The following PUM1 variants were observed in gnomAD, a reference collection of about 807,000 sequenced individuals.
PUM1 encodes the protein pumilio RNA binding family member 1.
A neutral mutation model predicts 131.8 loss-of-function variants in PUM1; 13 were observed. The observed-to-expected ratio is 0.10, with a 90% CI of 0.06 to 0.16. The LOEUF is 0.16. PUM1 is among the 10% of genes least tolerant of loss of function. The pLI is 1.00. For synonymous variants in PUM1, 509 were observed against 556.5 expected, an observed-to-expected ratio of 0.91 and a Z score of 1.20; for missense variants, 961 against 1,512.4, an observed-to-expected ratio of 0.64 and a Z score of 6.05.
intron 6 of PUM1, among the ~76,000 whole-genome samples, chr1:30,993,911 G>T (rs1012915399): frequency 6.6e-6 from 1 of 151,846 alleles, no homozygotes; most frequent in Non-Finnish European, 1.5e-5. Context: ...CTCTACAAAA[G>T]ATATAAAAAT....
At chr1:31,055,498 G>A (rs1644216374) in intron 2 of PUM1, 1 of 420,868 alleles carries the variant, frequency 2.4e-6, no homozygotes, top group Non-Finnish European at 4.8e-6. Context: ...GTAACCTGTG[G>A]GTGGTCCACA....
intron 19 of PUM1, among the ~76,000 whole-genome samples, chr1:30,941,549 T>C (rs1187162397): frequency 6.6e-6 from 1 of 152,136 alleles, no homozygotes; most frequent in Non-Finnish European, 1.5e-5. Context: ...CAAACACATA[T>C]ACAAATGGTT....
intron 10 of PUM1, among the ~76,000 whole-genome samples, chr1:30,974,035 C>T (rs1641037333): frequency 6.6e-6 from 1 of 150,862 alleles, no homozygotes; most frequent in Admixed American, 6.6e-5. Context: ...TTGCAGTGAG[C>T]TGAGATTGCA....
At chr1:31,060,247 C>G (rs926289964) in intron 1 of PUM1, among the ~76,000 whole-genome samples, 3 of 150,734 alleles carry the variant, frequency 2.0e-5, no homozygotes, top group African/African-American at 7.3e-5. Context: ...GATCACCTGA[C>G]GTCAGGAGTT....
intron 2 of PUM1, among the ~76,000 whole-genome samples, chr1:31,040,111 G>A (rs962994916): frequency 2.0e-5 from 3 of 152,018 alleles, no homozygotes; most frequent in African/African-American, 7.3e-5. Flanking sequence ...TAGAGACAAG[G>A]GTCTCACTAT....
At chr1:30,936,346 G>A (rs1205543116) in intron 21 of PUM1, among the ~76,000 whole-genome samples, 3 of 152,188 alleles carry the variant, frequency 2.0e-5, no homozygotes, top group Non-Finnish European at 4.4e-5. Context: ...GTGAGAAAAG[G>A]AAATGAGGCA....
rs57530886 is a variant in PUM1 at position 31,005,791 on chromosome 1, A to AAGAG, written c.720+58_720+61dup. 1,644 of 1,313,588 alleles carry AAGAG rather than the reference A, an allele frequency of 1.3e-3. 1 individual carries two copies. Among genetic ancestry groups the AAGAG allele is most frequent in the Admixed American group, 7.0e-3 (264 of 37,528 alleles). 81.4% of individuals were successfully genotyped at this position (1,313,588 alleles called of 1,614,324 possible). Reference sequence around the variant, plus strand: ...GGCATGTTTTGCTTTAGGGGAAAAAAAGAGAGAGAGAGAGAGAGAGAGAGA... The same window carrying AAGAG: ...GGCATGTTTTGCTTTAGGGGAAAAAAAGAGAGAGAGAGAGAGAGAGAGAGAGAGA... On this transcript the variant is annotated intron_variant, in intron 5 of 21. Transcript: ENST00000426105.
At position 30,932,402 on chromosome 1, in the gene PUM1, G is replaced by A. The variant is rs934748272; in HGVS notation, c.*809C>T. ...AGAAGCAAGACCAAAAGCAGAGTTG[G>A]ATTTTTTTTTCTCATGCTAAATAAT... On this transcript the variant is annotated 3_prime_UTR_variant, in exon 22 of 22. Transcript: ENST00000426105. 4 of 151,688 alleles carry A rather than the reference G, an allele frequency of 2.6e-5. No individual in the cohort carries two copies. The highest frequency in any genetic ancestry group is 2.0e-4 in the Admixed American group (3 of 15,182). 9.4% of individuals were successfully genotyped at this position (151,688 alleles called of 1,614,324 possible). A position where few individuals can be genotyped will look rare whatever the true frequency, so the allele number is the denominator to read the frequency against.
chr1:30,968,296 C>T (rs1640709046), intron 11 of PUM1, 58 bp downstream of exon 11: 3 of 1,591,200 alleles, frequency 1.9e-6, no homozygotes, highest in South Asian at 2.2e-5. Context: ...TCTGTAATCA[C>T]CTCAAACGTG....
chr1:31,012,882 CTTTAT>C (rs1255447144), intron 3 of PUM1, among the ~76,000 whole-genome samples: 2 of 152,146 alleles, frequency 1.3e-5, no homozygotes, highest in African/African-American at 2.4e-5. Flanking sequence ...TCTGAAATCA[CTTTAT>C]TTTAAACTAG....
chr1:30,993,863 G>A (rs1354561420), intron 6 of PUM1, among the ~76,000 whole-genome samples: 2 of 152,082 alleles, frequency 1.3e-5, no homozygotes, highest in Non-Finnish European at 2.9e-5. Flanking sequence ...TTGAGCTCAG[G>A]AGTTCAAGAC....
intron 2 of PUM1, among the ~76,000 whole-genome samples, chr1:31,051,737 C>T (rs1271909101): frequency 6.6e-6 from 1 of 152,080 alleles, no homozygotes; most frequent in Non-Finnish European, 1.5e-5. Flanking sequence ...GAACTGTCCT[C>T]CAAATTTCCC....
chr1:30,960,102 G>A (rs1173129961), intron 14 of PUM1, among the ~76,000 whole-genome samples: 1 of 152,066 alleles, frequency 6.6e-6, no homozygotes, highest in Non-Finnish European at 1.5e-5. Flanking sequence ...CAGGAACAAG[G>A]GAAAGATGTG....
At chr1:31,023,352 T>C (rs1484586428) in intron 3 of PUM1, among the ~76,000 whole-genome samples, 1 of 152,180 alleles carries the variant, frequency 6.6e-6, no homozygotes, top group Non-Finnish European at 1.5e-5. Context: ...GAGTCAACTG[T>C]GCTGCTTTTA....
chr1:31,054,239 C>T (rs1644182535), intron 2 of PUM1, among the ~76,000 whole-genome samples: 1 of 151,748 alleles, frequency 6.6e-6, no homozygotes, highest in Admixed American at 6.6e-5. Flanking sequence ...GCAGAAGAAT[C>T]GCTTGAGCCG....
intron 2 of PUM1, among the ~76,000 whole-genome samples, chr1:31,030,900 T>C (rs1056835916): frequency 2.0e-5 from 3 of 152,046 alleles, no homozygotes; most frequent in African/African-American, 4.8e-5. Flanking sequence ...ATACAAAAGA[T>C]TGGGAATGCT....
chr1:31,021,902 G>A (rs927357988), intron 3 of PUM1, among the ~76,000 whole-genome samples: 2 of 151,862 alleles, frequency 1.3e-5, no homozygotes, highest in Non-Finnish European at 2.9e-5. Context: ...GGTTCAAACA[G>A]AGGCTTAATG....
intron 3 of PUM1, among the ~76,000 whole-genome samples, chr1:31,025,761 G>A: frequency 6.6e-6 from 1 of 151,812 alleles, no homozygotes; most frequent in East Asian, 1.9e-4. Flanking sequence ...TCACTATGTT[G>A]ACCAGGCTGG....
intron 2 of PUM1, among the ~76,000 whole-genome samples, chr1:31,039,689 T>C (rs1403659730): frequency 6.6e-6 from 1 of 151,748 alleles, no homozygotes; most frequent in African/African-American, 2.4e-5. Context: ...TCACCTGAGG[T>C]CAGGAGTTCA....
Sources: allele counts gnomAD v4.1 joint callset (sites outside exome capture counted in the v4.1 genomes callset), GRCh38; gene constraint gnomAD v4.1.1; transcripts MANE v1.5; gene names NCBI Gene and HGNC (gene_info 2026-07-23, HGNC 2026-07-21).